The following ZMIZ1 variants were observed in gnomAD, a reference collection of about 807,000 sequenced individuals.
ZMIZ1 encodes the protein zinc finger MIZ domain-containing protein 1.
In ZMIZ1, 17 loss-of-function variants were observed where a neutral mutation model predicts 113.9. The ratio of observed to expected loss-of-function variants is 0.15; its 90% CI spans 0.10 to 0.22. The LOEUF is 0.22. Ranked by LOEUF, ZMIZ1 falls within the 10% of genes least tolerant of loss-of-function variation. The pLI, the probability that ZMIZ1 is intolerant of heterozygous loss-of-function variation, is 1.00. For synonymous variants in ZMIZ1, 607 were observed against 603.1 expected (o/e 1.01, Z -0.09); for missense variants, 1,059 against 1,477.8 (o/e 0.72, Z 4.65).
intron 1 of ZMIZ1, among the ~76,000 whole-genome samples, chr10:79,088,177 G>A (rs538931441): frequency 9.8e-5 from 15 of 152,326 alleles, no homozygotes; most frequent in Admixed American, 1.3e-4. Flanking sequence ...TCCCAGGAGC[G>A]CTTTGTGGGT....
intron 7 of ZMIZ1, among the ~76,000 whole-genome samples, chr10:79,263,482 G>A (rs1285559418): frequency 1.3e-5 from 2 of 152,264 alleles, no homozygotes; most frequent in Admixed American, 1.3e-4. Flanking sequence ...TTGTTACCAC[G>A]GCACAGGTCT....
intron 4 of ZMIZ1, among the ~76,000 whole-genome samples, chr10:79,190,574 A>G (rs1463877288): frequency 2.6e-5 from 4 of 152,186 alleles, no homozygotes; most frequent in African/African-American, 9.7e-5. Flanking sequence ...TTTAGAAATT[A>G]AAAAATATAT....
intron 4 of ZMIZ1, among the ~76,000 whole-genome samples, chr10:79,178,168 A>G (rs1414413098): frequency 2.0e-5 from 3 of 152,218 alleles, no homozygotes; most frequent in Non-Finnish European, 4.4e-5. Flanking sequence ...CTCATGCTAG[A>G]AAGTCTTCCA....
intron 3 of ZMIZ1, among the ~76,000 whole-genome samples, chr10:79,150,791 A>C (rs1845683318): frequency 6.6e-6 from 1 of 152,066 alleles, no homozygotes. Context: ...CTCATCTCCC[A>C]GAAGCCGGGC....
At chr10:79,236,125 C>T (rs1399560561) in intron 7 of ZMIZ1, among the ~76,000 whole-genome samples, 1 of 152,238 alleles carries the variant, frequency 6.6e-6, no homozygotes, top group Non-Finnish European at 1.5e-5. Context: ...CACGATGGGT[C>T]CGATGGTGGC....
intron 3 of ZMIZ1, among the ~76,000 whole-genome samples, chr10:79,140,984 G>A (rs902477349): frequency 6.6e-6 from 1 of 152,070 alleles, no homozygotes; most frequent in Admixed American, 6.5e-5. Context: ...GTCTCACTTC[G>A]TTGTCCGGGG....
chr10:79,216,261 C>T lies in ZMIZ1; in HGVS notation c.267C>T (p.Thr89=), dbSNP rs766010363. The T allele has an allele frequency of 9.4e-6, 15 of 1,591,542 alleles. No individual in the cohort carries two copies. Among genetic ancestry groups the T allele is most frequent in the Middle Eastern group, 1.7e-4 (1 of 6,036 alleles). ...GTGCTGCAAACCGAGACAAGTTCAC[C>T]CCGAAGTCTGCCGGTAGGTGTCCGT... ...AVCAANRDKF[T]PKSAALLSSW... is the part of the protein sequence containing the mutation. Residue 89 remains threonine (T), a synonymous_variant, in exon 7 of 25, where the codon ACC becomes ACT. Transcript: ENST00000334512.
At chr10:79,091,400 A>T (rs899199418) in intron 1 of ZMIZ1, among the ~76,000 whole-genome samples, 4 of 152,202 alleles carry the variant, frequency 2.6e-5, no homozygotes, top group South Asian at 2.1e-4. Flanking sequence ...ATATTTCTCC[A>T]TTAGAAGGAT....
At chr10:79,192,846 G>A (rs1305474998) in intron 4 of ZMIZ1, among the ~76,000 whole-genome samples, 3 of 152,170 alleles carry the variant, frequency 2.0e-5, no homozygotes, top group Non-Finnish European at 4.4e-5. Context: ...ACTCACGCTG[G>A]CCCGAGGGCC....
At chr10:79,155,145 C>A (rs1845860213) in intron 3 of ZMIZ1, among the ~76,000 whole-genome samples, 1 of 152,154 alleles carries the variant, frequency 6.6e-6, no homozygotes. Flanking sequence ...CCCAGAGAGG[C>A]CACCATTCTA....
In ZMIZ1 at chr10:79,277,316, T is replaced by C. The variant is rs1443321568; in HGVS notation, c.416T>C (p.Leu139Pro). ...LSSMSSMKPT[L>P]SHSDGSFPYD... ...TCCATGAGCTCCATGAAACCCACTCTGTCGCACAGGTAAGTGGGTGGGTGC... is the reference window on the plus strand; with the variant it reads ...TCCATGAGCTCCATGAAACCCACTCCGTCGCACAGGTAAGTGGGTGGGTGC... The change falls in exon 8 of 25, where the codon CTG becomes CCG. Residue 139 changes from leucine (L) to proline (P), a missense_variant. Physicochemically the swap from Leu to Pro is moderately conservative, Grantham distance 98 (BLOSUM62 -3). Around this residue, in one of 6 missense-constraint regions of ZMIZ1, gnomAD observed 272 missense variants for 350.4 expected, o/e 0.78. Transcript: ENST00000334512. The C allele has an allele frequency of 2.5e-6, 4 of 1,596,126 alleles. No homozygotes were observed. Among genetic ancestry groups the C allele is most frequent in the Non-Finnish European group, 2.6e-6 (3 of 1,171,886 alleles).
At chr10:79,302,318 A>G (rs1854358177) in intron 18 of ZMIZ1, 106 bp downstream of exon 18, 5 of 1,151,294 alleles carry the variant, frequency 4.3e-6, no homozygotes, top group Admixed American at 3.7e-5. Context: ...GCCTCCGTGC[A>G]TGTCACCACC....
chr10:79,105,914 C>G (rs1843538582), intron 1 of ZMIZ1, among the ~76,000 whole-genome samples: 1 of 152,184 alleles, frequency 6.6e-6, no homozygotes. Context: ...CCCCTAAGTG[C>G]TCACCAACTT....
At chr10:79,303,934 G>A in intron 18 of ZMIZ1, 81 bp from the exon 19 acceptor site, 2 of 1,561,566 alleles carry the variant, frequency 1.3e-6, no homozygotes, top group East Asian at 2.3e-5. Context: ...GCTGCACGAG[G>A]AAGTGGGGAG....
intron 7 of ZMIZ1, among the ~76,000 whole-genome samples, chr10:79,243,144 G>A (rs1849952848): frequency 1.3e-5 from 2 of 151,216 alleles, no homozygotes; most frequent in African/African-American, 4.8e-5. Context: ...GGCTGGCCTG[G>A]CCTCCCCCGG....
At chr10:79,286,028 C>T (rs1316622089) in intron 8 of ZMIZ1, among the ~76,000 whole-genome samples, 5 of 152,132 alleles carry the variant, frequency 3.3e-5, no homozygotes, top group Admixed American at 6.5e-5. Context: ...TTGTTGGGGC[C>T]GTTTTGGCTG....
chr10:79,117,047 C>T (rs1844065211), intron 1 of ZMIZ1, among the ~76,000 whole-genome samples: 2 of 152,274 alleles, frequency 1.3e-5, no homozygotes, highest in Admixed American at 1.3e-4. Context: ...TCCAGATGGC[C>T]TCAGTCACAC....
intron 8 of ZMIZ1, among the ~76,000 whole-genome samples, chr10:79,278,398 ATTATTATTAT>A (rs1033023570): frequency 6.7e-6 from 1 of 149,618 alleles, no homozygotes; most frequent in Non-Finnish European, 1.5e-5. Flanking sequence ...TTTTCTTTTT[ATTATTATTAT>A]TTATTATTAT....
intron 7 of ZMIZ1, among the ~76,000 whole-genome samples, chr10:79,223,574 C>T (rs1366740378): frequency 2.0e-5 from 3 of 152,224 alleles, no homozygotes; most frequent in East Asian, 1.9e-4. Context: ...GTTTAGTGGA[C>T]GAAACCTGTT....
Sources: allele counts gnomAD v4.1 joint callset (sites outside exome capture counted in the v4.1 genomes callset), GRCh38; gene constraint gnomAD v4.1.1; regional missense constraint gnomAD v4.1.1; transcripts MANE v1.5; gene names NCBI Gene and HGNC (gene_info 2026-07-23, HGNC 2026-07-21).